CNTN5: variants seen among roughly 807,000 people sequenced by gnomAD.
The protein encoded by CNTN5 is contactin-5.
A neutral mutation model predicts 129.1 loss-of-function variants in CNTN5; 77 were observed. The ratio of observed to expected loss-of-function variants is 0.60; its 90% CI spans 0.50 to 0.72. CNTN5 has a LOEUF of 0.72. Among genes scored for constraint, CNTN5 ranks in the 30% least tolerant of loss-of-function variants. The probability of loss-of-function intolerance (pLI) is 0.00; values close to 1 mark genes in which losing one functional copy is unlikely to be tolerated. For synonymous variants in CNTN5, 509 were observed against 465.6 expected, an observed-to-expected ratio of 1.09 and a Z score of -1.20; for missense variants, 1,478 against 1,328.8, an observed-to-expected ratio of 1.11 and a Z score of -1.75.
At chr11:99,216,871 C>T (rs1860152183) in intron 1 of CNTN5, among the ~76,000 whole-genome samples, 1 of 151,980 alleles carries the variant, frequency 6.6e-6, no homozygotes, top group Non-Finnish European at 1.5e-5. Flanking sequence ...ACAAACTACC[C>T]ATCTGATAGG....
chr11:100,353,835 CCAAA>C lies in CNTN5; in HGVS notation c.3200-2277_3200-2274del, dbSNP rs766640609. The stretch of plus-strand genomic sequence containing the variant: ...GTGTGCACGCCCATGTGTGTGTTTA[CCAAA>C]CAAATTATTCTCTAGCTCTTAAGCA... On this transcript the variant is annotated intron_variant, in intron 24 of 24. Coordinates refer to ENST00000524871, the MANE Select transcript of CNTN5 (RefSeq NM_014361.4). 2.8e-4 allele frequency among the ~76,000 whole-genome samples: 43 copies of C among 151,296 alleles called. No individual in the cohort carries two copies. In the East Asian group the frequency reaches 3.9e-3, roughly 14 times the overall value.
intron 3 of CNTN5, among the ~76,000 whole-genome samples, chr11:99,731,301 CG>C (rs1447267078): frequency 6.6e-6 from 1 of 151,600 alleles, no homozygotes; most frequent in African/African-American, 2.4e-5. Context: ...TTAGTAGAGA[CG>C]GGGTTTCACT....
chr11:100,096,410 AC>A (rs1945011204), intron 13 of CNTN5, among the ~76,000 whole-genome samples: 1 of 151,996 alleles, frequency 6.6e-6, no homozygotes, highest in African/African-American at 2.4e-5. Context: ...ACTGATATAT[AC>A]CCGTATTCTG....
intron 1 of CNTN5, among the ~76,000 whole-genome samples, chr11:99,189,651 A>C (rs913469488): frequency 1.1e-4 from 16 of 151,616 alleles, no homozygotes; most frequent in Admixed American, 2.0e-4. Flanking sequence ...TATGATGATT[A>C]GTTATTAGTT....
At chr11:99,730,377 GACGGAGAGAATACTATATT>G (rs1391149395) in intron 3 of CNTN5, among the ~76,000 whole-genome samples, 1 of 152,190 alleles carries the variant, frequency 6.6e-6, no homozygotes. Flanking sequence ...ACAAAGAGAA[GACGGAGAGAATACTATATT>G]AACTTCGTAA....
chr11:99,710,099 G>C (rs1209341353), intron 3 of CNTN5, among the ~76,000 whole-genome samples: 1 of 151,814 alleles, frequency 6.6e-6, no homozygotes, highest in African/African-American at 2.4e-5. Flanking sequence ...CTGCTAGGCA[G>C]AGTTGCTAAT....
At chr11:99,586,062 T>A (rs1253271179) in intron 3 of CNTN5, among the ~76,000 whole-genome samples, 1 of 152,204 alleles carries the variant, frequency 6.6e-6, no homozygotes, top group East Asian at 1.9e-4. Context: ...ATATCTCATA[T>A]CATGTATTTC....
intron 4 of CNTN5, among the ~76,000 whole-genome samples, chr11:99,830,838 C>G (rs914706825): frequency 1.3e-5 from 2 of 152,120 alleles, no homozygotes; most frequent in African/African-American, 4.8e-5. Flanking sequence ...ATAGTCTCCT[C>G]TTTATTCTCT....
chr11:99,753,760 C>G (rs1944316902), intron 3 of CNTN5, among the ~76,000 whole-genome samples: 2 of 143,884 alleles, frequency 1.4e-5, no homozygotes, highest in Non-Finnish European at 3.0e-5. Context: ...ATGATCTCGG[C>G]TCACTGCAAC....
intron 1 of CNTN5, among the ~76,000 whole-genome samples, chr11:99,236,542 C>G (rs1455398813): frequency 3.3e-5 from 5 of 151,728 alleles, no homozygotes; most frequent in African/African-American, 1.2e-4. Flanking sequence ...AAATCTGCTT[C>G]AACTGTTTAC....
chr11:99,888,983 G>A (rs942286953), intron 6 of CNTN5, among the ~76,000 whole-genome samples: 2 of 47,326 alleles, frequency 4.2e-5, no homozygotes, highest in African/African-American at 1.0e-4. Flanking sequence ...TTAGCAAAAG[G>A]GAGGGTTCAG....
chr11:100,008,368 T>C (rs1940320827), intron 9 of CNTN5, among the ~76,000 whole-genome samples: 1 of 152,100 alleles, frequency 6.6e-6, no homozygotes, highest in African/African-American at 2.4e-5. Context: ...CAGTACCTTC[T>C]GTCTTAAGAA....
chr11:99,522,528 A>G (rs1013675242), intron 2 of CNTN5, among the ~76,000 whole-genome samples: 1 of 152,190 alleles, frequency 6.6e-6, no homozygotes, highest in African/African-American at 2.4e-5. Context: ...TAAAGAAGGA[A>G]TAAAAAGATA....
At chr11:99,617,957 A>G (rs970300478) in intron 3 of CNTN5, among the ~76,000 whole-genome samples, 61 of 152,290 alleles carry the variant, frequency 4.0e-4, no homozygotes, top group Admixed American at 1.4e-3. Context: ...TTTTATCTGT[A>G]ATTACAGCCC....
chr11:100,246,005 C>A (rs910290534), intron 16 of CNTN5, among the ~76,000 whole-genome samples: 1 of 152,042 alleles, frequency 6.6e-6, no homozygotes, highest in Non-Finnish European at 1.5e-5. Flanking sequence ...ATTATAAGCT[C>A]CCCAGATGGT....
chr11:99,830,393 CT>C (rs1947101436), intron 4 of CNTN5, among the ~76,000 whole-genome samples: 1 of 152,024 alleles, frequency 6.6e-6, no homozygotes, highest in Non-Finnish European at 1.5e-5. Flanking sequence ...GTCTTCAGTA[CT>C]TTTGGCTAAA....
At chr11:99,489,896 A>T (rs1044455860) in intron 2 of CNTN5, among the ~76,000 whole-genome samples, 1 of 152,150 alleles carries the variant, frequency 6.6e-6, no homozygotes, top group African/African-American at 2.4e-5. Flanking sequence ...AAAATAGGAA[A>T]ACATTTAAAA....
intron 23 of CNTN5, among the ~76,000 whole-genome samples, chr11:100,347,059 C>A (rs1487220393): frequency 6.6e-6 from 1 of 152,118 alleles, no homozygotes; most frequent in African/African-American, 2.4e-5. Flanking sequence ...AGGTCCCTCC[C>A]ATAACATGTG....
intron 15 of CNTN5, among the ~76,000 whole-genome samples, chr11:100,203,954 C>G (rs1216853641): frequency 6.6e-6 from 1 of 151,504 alleles, no homozygotes; most frequent in Non-Finnish European, 1.5e-5. Flanking sequence ...ACATGCTGAC[C>G]CACTGCCAAG....
Sources: gnomAD v4.1 joint callset for allele counts (sites outside exome capture counted in the v4.1 genomes callset) on GRCh38, gnomAD v4.1.1 for gene constraint, MANE v1.5 for transcripts, NCBI Gene and HGNC (gene_info 2026-07-23, HGNC 2026-07-21) for gene names.